The following SLC30A9 variants were observed in gnomAD, a reference collection of about 807,000 sequenced individuals.
The protein encoded by SLC30A9 is solute carrier family 30 member 9.
SLC30A9 carries 58 observed loss-of-function variants against 87.5 expected under a neutral mutation model. The ratio of observed to expected loss-of-function variants is 0.66; its 90% CI spans 0.54 to 0.82. The LOEUF (loss-of-function observed/expected upper bound fraction) is 0.82, where lower values mean the gene tolerates loss of function less well. Ranked by LOEUF, SLC30A9 falls within the 40% of genes least tolerant of loss-of-function variation. The pLI is 0.00. For synonymous variants in SLC30A9, 234 were observed against 233.0 expected (o/e 1.00, Z -0.04); for missense variants, 557 against 679.1 (o/e 0.82, Z 2.00).
At chr4:42,054,190 T>C (rs62302145) in intron 9 of SLC30A9, among the ~76,000 whole-genome samples, 24,544 of 152,054 alleles carry the variant, frequency 0.16, 2,673 homozygotes, top group Middle Eastern at 0.31. Flanking sequence ...CCCGCATCTC[T>C]ACTAAAAATA....
chr4:42,067,292 A>T, intron 14 of SLC30A9, 100 bp downstream of exon 14: 1 of 710,588 alleles, frequency 1.4e-6, no homozygotes, highest in Non-Finnish European at 2.4e-6. Flanking sequence ...TATTAAACCA[A>T]CAAATTGTTA....
At chr4:41,998,704 C>G (rs1244653486) in intron 1 of SLC30A9, among the ~76,000 whole-genome samples, 1 of 152,016 alleles carries the variant, frequency 6.6e-6, no homozygotes, top group Non-Finnish European at 1.5e-5. Context: ...GACCTCGTGA[C>G]CTGCCCAGCT....
chr4:42,067,835 C>T (rs559361367), intron 14 of SLC30A9, among the ~76,000 whole-genome samples: 1 of 152,148 alleles, frequency 6.6e-6, no homozygotes, highest in Admixed American at 6.5e-5. Context: ...TGTGCCCTGC[C>T]ATGGGATGGC....
intron 2 of SLC30A9, among the ~76,000 whole-genome samples, chr4:42,007,149 T>C (rs955909695): frequency 2.0e-5 from 3 of 152,150 alleles, no homozygotes; most frequent in African/African-American, 7.2e-5. Flanking sequence ...TAATGCTTTT[T>C]TTTAAAGGAG....
intron 2 of SLC30A9, among the ~76,000 whole-genome samples, chr4:42,008,760 C>G (rs1715319758): frequency 6.6e-6 from 1 of 152,200 alleles, no homozygotes; most frequent in Non-Finnish European, 1.5e-5. Context: ...AGTTAGATGT[C>G]TTTCACAGGG....
chr4:42,080,308 C>T (rs1438314400), intron 17 of SLC30A9, among the ~76,000 whole-genome samples: 1 of 152,164 alleles, frequency 6.6e-6, no homozygotes, highest in African/African-American at 2.4e-5. Context: ...CACTAGGACT[C>T]TTAGAACTCA....
chr4:42,024,036 A>G (rs1043523384), intron 6 of SLC30A9, among the ~76,000 whole-genome samples: 16 of 152,190 alleles, frequency 1.1e-4, no homozygotes, highest in East Asian at 1.9e-4. Flanking sequence ...ATAATTCGAG[A>G]TGAGATTTGG....
intron 8 of SLC30A9, among the ~76,000 whole-genome samples, chr4:42,046,848 G>A (rs1235850868): frequency 1.3e-5 from 2 of 152,030 alleles, no homozygotes; most frequent in African/African-American, 2.4e-5. Context: ...ACAAGGCTGC[G>A]GTAACCAAAA....
At position 42,018,427 on chromosome 4, in the gene SLC30A9, G is replaced by A. The variant is rs1715809165; in HGVS notation, c.334+257G>A. On this transcript the variant is annotated intron_variant, in intron 3 of 17. Coordinates refer to ENST00000264451, the MANE Select transcript of SLC30A9 (RefSeq NM_006345.4). Reference sequence around the variant, plus strand: ...TAATGGCAAATAAGAATCATCAATTGCATTATCATTTTTAGAAGAGTAAGG... The same window carrying A: ...TAATGGCAAATAAGAATCATCAATTACATTATCATTTTTAGAAGAGTAAGG... The A allele has an allele frequency of 2.3e-6, 3 of 1,286,708 alleles. No individual in the cohort carries two copies. In the East Asian group the frequency reaches 1.5e-4, roughly 64 times the overall value. 79.7% of individuals were successfully genotyped at this position (1,286,708 alleles called of 1,614,324 possible).
At chr4:42,044,540 A>G (rs984792631) in intron 8 of SLC30A9, among the ~76,000 whole-genome samples, 2 of 152,190 alleles carry the variant, frequency 1.3e-5, no homozygotes, top group Non-Finnish European at 2.9e-5. Context: ...TATGCACCCA[A>G]TAGAGGAGCA....
chr4:42,089,789 T>C lies in SLC30A9; in HGVS notation c.*3663T>C, dbSNP rs983257248. On this transcript the variant is annotated 3_prime_UTR_variant, in exon 18 of 18. Transcript: ENST00000264451. ...AAGAGGTAAGTTCCTGAACATACAC[T>C]AAAGAACCTGTGAGATAAGATCAGA... 1 of 152,150 alleles carries C rather than the reference T, an allele frequency of 6.6e-6. No homozygotes were observed. Among genetic ancestry groups the C allele is most frequent in the Non-Finnish European group, 1.5e-5 (1 of 68,034 alleles). The allele number at this position is 152,150 out of a possible 1,614,324, so 9.4% of individuals were successfully genotyped here.
intron 2 of SLC30A9, among the ~76,000 whole-genome samples, chr4:42,006,942 G>T (rs139459207): frequency 6.6e-6 from 1 of 152,276 alleles, no homozygotes; most frequent in East Asian, 1.9e-4. Context: ...GCACTAGTCA[G>T]ATCGGGGTCT....
At chr4:42,029,074 A>G (rs1163558244) in intron 6 of SLC30A9, 2 of 236,072 alleles carry the variant, frequency 8.5e-6, no homozygotes, top group Non-Finnish European at 1.8e-5. Flanking sequence ...AAGCACTCAG[A>G]TCCGCAGTGG....
chr4:42,020,676 T>A (rs935571576), intron 4 of SLC30A9, 161 bp downstream of exon 4: 23 of 491,812 alleles, frequency 4.7e-5, no homozygotes, highest in Non-Finnish European at 8.1e-5. Context: ...TGTTAAAAAT[T>A]GTTAGCAAAC....
chr4:42,040,075 G>A (rs1249036217), intron 8 of SLC30A9, among the ~76,000 whole-genome samples: 2 of 152,160 alleles, frequency 1.3e-5, no homozygotes, highest in Non-Finnish European at 2.9e-5. Context: ...CAACTTCTTA[G>A]AAGGTATGTT....
At chr4:42,076,940 C>T (rs1431013131) in intron 16 of SLC30A9, among the ~76,000 whole-genome samples, 58 of 128,818 alleles carry the variant, frequency 4.5e-4, no homozygotes, top group Non-Finnish European at 7.9e-4. Flanking sequence ...CCAGCCTGGG[C>T]GACAGAGCGA....
At chr4:42,028,208 C>T (rs541496403) in intron 6 of SLC30A9, among the ~76,000 whole-genome samples, 2 of 152,306 alleles carry the variant, frequency 1.3e-5, no homozygotes, top group Admixed American at 6.5e-5. Flanking sequence ...ACCTCCGCCT[C>T]CTGGGTTCAA....
chr4:42,014,280 G>A (rs370737001), intron 2 of SLC30A9, among the ~76,000 whole-genome samples: 6 of 152,182 alleles, frequency 3.9e-5, no homozygotes, highest in African/African-American at 1.4e-4. Context: ...TACATTGTTG[G>A]TGGGAATGTA....
At chr4:42,086,058 T>C (rs762772587) in intron 17 of SLC30A9, 24 bp from the exon 18 acceptor site, 4 of 1,209,942 alleles carry the variant, frequency 3.3e-6, no homozygotes, top group South Asian at 3.4e-5. Flanking sequence ...CTACAAATAA[T>C]GTGGTGGTGA....
Sources: gnomAD v4.1 joint callset for allele counts (sites outside exome capture counted in the v4.1 genomes callset) on GRCh38, gnomAD v4.1.1 for gene constraint, MANE v1.5 for transcripts, NCBI Gene and HGNC (gene_info 2026-07-23, HGNC 2026-07-21) for gene names.